Variants in RPTOR observed in about 807,000 individuals in gnomAD.
The protein encoded by RPTOR is regulatory-associated protein of mTOR.
RPTOR carries 21 observed loss-of-function variants against 169.9 expected under a neutral mutation model. That is an observed-to-expected ratio of 0.12 (90% CI 0.09 to 0.18). The LOEUF (loss-of-function observed/expected upper bound fraction) is 0.18, where lower values mean the gene tolerates loss of function less well. Ranked by LOEUF, RPTOR falls within the 10% of genes least tolerant of loss-of-function variation. RPTOR has a pLI of 1.00. For missense variants in RPTOR, 1,133 were observed against 1,855.9 expected (o/e 0.61, Z 7.16); for synonymous variants, 732 against 753.2 (o/e 0.97, Z 0.46).
At chr17:80,685,206 G>A (rs1322378651) in intron 3 of RPTOR, among the ~76,000 whole-genome samples, 1 of 105,908 alleles carries the variant, frequency 9.4e-6, no homozygotes, top group Non-Finnish European at 1.8e-5. Flanking sequence ...GTCGCTTGTT[G>A]CGTTTTCAGT....
chr17:80,829,160 C>T (rs564521860), intron 9 of RPTOR, among the ~76,000 whole-genome samples: 63 of 152,312 alleles, frequency 4.1e-4, no homozygotes, highest in African/African-American at 1.5e-3. Flanking sequence ...AAAATAGAGT[C>T]TTTATGGCTA....
chr17:80,577,950 C>T (rs569102895), intron 1 of RPTOR, among the ~76,000 whole-genome samples: 3 of 152,326 alleles, frequency 2.0e-5, no homozygotes, highest in East Asian at 3.9e-4. Flanking sequence ...TATGGCCTGA[C>T]GCTGTGATGT....
chr17:80,900,508 G>A (rs2068462783), intron 20 of RPTOR, among the ~76,000 whole-genome samples: 1 of 152,166 alleles, frequency 6.6e-6, no homozygotes, highest in African/African-American at 2.4e-5. Flanking sequence ...TAGAGACAAA[G>A]TTTCTCCAAG....
chr17:80,873,678 G>A lies in RPTOR; in HGVS notation c.1510-6737G>A, dbSNP rs532474290. 8.5e-5 allele frequency among the ~76,000 whole-genome samples: 13 copies of A among 152,316 alleles called. No homozygotes were observed. The South Asian group carries it at 2.3e-3, about 27-fold the overall frequency. ...CCCAAAGCCGCAAAACAATGAGCTC[G>A]GTGTGCCCCAAAGTCTGAGGAGCTG... is the stretch of plus-strand genomic sequence containing the variant. On this transcript the variant is annotated intron_variant, in intron 13 of 33. Coordinates refer to ENST00000306801, the MANE Select transcript of RPTOR (RefSeq NM_020761.3).
intron 21 of RPTOR, among the ~76,000 whole-genome samples, chr17:80,920,868 T>C (rs1598401746): frequency 6.6e-6 from 1 of 152,232 alleles, no homozygotes; most frequent in African/African-American, 2.4e-5. Context: ...TTTTTAGACT[T>C]TTGAAGGGAT....
intron 5 of RPTOR, among the ~76,000 whole-genome samples, chr17:80,747,379 G>A (rs1038482733): frequency 6.6e-6 from 1 of 152,200 alleles, no homozygotes; most frequent in African/African-American, 2.4e-5. Context: ...GTGGAGCACT[G>A]TCATTGCCTG....
intron 9 of RPTOR, among the ~76,000 whole-genome samples, chr17:80,835,573 C>T (rs945563925): frequency 2.6e-5 from 4 of 152,306 alleles, no homozygotes; most frequent in Non-Finnish European, 4.4e-5. Context: ...CCAAAATGTT[C>T]CAAAATCCGA....
intron 22 of RPTOR, 66 bp from the exon 23 acceptor site, chr17:80,923,424 C>T: frequency 6.3e-7 from 1 of 1,585,012 alleles, no homozygotes; most frequent in East Asian, 2.2e-5. Context: ...GGAAGTTGTT[C>T]CATGTTCCCT....
At chr17:80,557,482 A>G (rs2084424284) in intron 1 of RPTOR, among the ~76,000 whole-genome samples, 1 of 152,056 alleles carries the variant, frequency 6.6e-6, no homozygotes, top group Non-Finnish European at 1.5e-5. Context: ...ATGCCACTGC[A>G]TTCCAGCCTG....
At chr17:80,745,509 A>G (rs1276341968) in intron 5 of RPTOR, among the ~76,000 whole-genome samples, 1 of 122,084 alleles carries the variant, frequency 8.2e-6, no homozygotes, top group Admixed American at 7.9e-5. Context: ...TATCAACAAT[A>G]TATTAAAAAT....
Position 80,965,186 on chromosome 17 carries a change from T to G in RPTOR, c.*856T>G, listed in dbSNP as rs961349936. On this transcript the variant is annotated 3_prime_UTR_variant, in exon 34 of 34. Transcript: ENST00000306801. ...CAGGCGCGGGGACAGCAGCCCGACC[T>G]GTGGTCTCCATGCCTGTGCCCTCAC... 5 of 233,208 alleles carry G rather than the reference T, an allele frequency of 2.1e-5. No individual in the cohort carries two copies. Among genetic ancestry groups the G allele is most frequent in the Non-Finnish European group, 1.7e-5 (2 of 118,056 alleles). 14.4% of individuals were successfully genotyped at this position (233,208 alleles called of 1,614,324 possible). A position where few individuals can be genotyped will look rare whatever the true frequency, so the allele number is the denominator to read the frequency against.
Position 80,708,963 on chromosome 17 carries a change from C to G in RPTOR, c.507+964C>G. 1.0e-6 allele frequency: 1 copy of G among 985,830 alleles called. No individual in the cohort carries two copies. Among genetic ancestry groups the G allele is most frequent in the Non-Finnish European group, 1.2e-6 (1 of 829,954 alleles). The allele number at this position is 985,830 out of a possible 1,614,324, so 61.1% of individuals were successfully genotyped here. A position where few individuals can be genotyped will look rare whatever the true frequency, so the allele number is the denominator to read the frequency against. ...AGTGAGGACTCTGACTCCGTTTCTT[C>G]ACACACTGAACTCTCGGTTCCCGCC... is the stretch of plus-strand genomic sequence containing the variant. On this transcript the variant is annotated intron_variant, in intron 4 of 33. Transcript: ENST00000306801. The surrounding 1 kb of genome is among the most constrained non-coding windows in gnomAD (Gnocchi z 4.2).
intron 3 of RPTOR, among the ~76,000 whole-genome samples, chr17:80,655,775 T>C (rs1210469958): frequency 6.6e-6 from 1 of 152,050 alleles, no homozygotes; most frequent in East Asian, 1.9e-4. Context: ...AAGAAGAAAG[T>C]GTATTCAACA....
At chr17:80,660,491 A>G (rs1276499507) in intron 3 of RPTOR, among the ~76,000 whole-genome samples, 1 of 152,150 alleles carries the variant, frequency 6.6e-6, no homozygotes, top group Non-Finnish European at 1.5e-5. Flanking sequence ...TCTGTTCTAT[A>G]GAAATTATGG....
Position 80,560,351 on chromosome 17 carries a change from A to C in RPTOR, c.162+14560A>C, listed in dbSNP as rs115351373. 9.5e-3 allele frequency among the ~76,000 whole-genome samples: 1,450 copies of C among 152,330 alleles called. 32 individuals carry two copies. The highest frequency in any genetic ancestry group is 0.033 in the African/African-American group (1,353 of 41,562). ...AGTGACTGATGTATAGAATTTAGTC[A>C]TTCAGCTACTATCATCGAGCCCCTT... On this transcript the variant is annotated intron_variant, in intron 1 of 33. Coordinates refer to ENST00000306801, the MANE Select transcript of RPTOR (RefSeq NM_020761.3).
intron 21 of RPTOR, among the ~76,000 whole-genome samples, chr17:80,911,278 A>C (rs1598396286): frequency 6.6e-6 from 1 of 151,890 alleles, no homozygotes; most frequent in Admixed American, 6.6e-5. Flanking sequence ...GGATTCTGCC[A>C]CCTCCTTCGT....
chr17:80,939,549 C>T (rs1214656934), intron 24 of RPTOR, among the ~76,000 whole-genome samples: 1 of 152,214 alleles, frequency 6.6e-6, no homozygotes, highest in Non-Finnish European at 1.5e-5. Flanking sequence ...GTTAGTTTAA[C>T]CCCAGCCAGG....
intron 6 of RPTOR, among the ~76,000 whole-genome samples, chr17:80,768,759 A>G (rs2066813371): frequency 1.3e-5 from 2 of 152,092 alleles, no homozygotes; most frequent in Admixed American, 6.6e-5. Flanking sequence ...GCCTCTTTGT[A>G]TCTTCTTCTT....
chr17:80,823,023 T>G lies in RPTOR; in HGVS notation c.992-56T>G, dbSNP rs1010766625. On this transcript the variant is annotated intron_variant, in intron 8 of 33. Transcript: ENST00000306801. This position sits in a 1 kb window ranked among gnomAD's most constrained non-coding sequence, Gnocchi z 4.5. ...TAGAAGTGAATTTGTGTATTTGGCT[T>G]TAAATGCTAGACACAAGTCACTGTA... 1.3e-5 allele frequency: 20 copies of G among 1,567,046 alleles called. 1 individual carries two copies. In the Admixed American group the frequency reaches 1.7e-4, roughly 14 times the overall value.
Sources: allele counts gnomAD v4.1 joint callset (sites outside exome capture counted in the v4.1 genomes callset), GRCh38; gene constraint gnomAD v4.1.1; non-coding constraint Gnocchi (gnomAD v3.1); transcripts MANE v1.5; gene names NCBI Gene and HGNC (gene_info 2026-07-23, HGNC 2026-07-21).